Variants in ANKS3 observed in about 807,000 individuals in gnomAD.
ANKS3 encodes the protein ankyrin repeat and SAM domain-containing protein 3.
ANKS3 carries 62 observed loss-of-function variants against 80.7 expected under a neutral mutation model. The observed-to-expected ratio is 0.77, with a 90% confidence interval of 0.63 to 0.95. ANKS3 has a LOEUF of 0.95. Ranked by LOEUF, ANKS3 falls within the 40% of genes least tolerant of loss-of-function variation. ANKS3 has a pLI of 0.00. For synonymous variants in ANKS3, 489 were observed against 355.3 expected (o/e 1.38, Z -4.23); for missense variants, 1,150 against 883.6 (o/e 1.30, Z -3.82).
chr16:4,706,400 C>A (rs542013769), intron 7 of ANKS3, among the ~76,000 whole-genome samples: 1 of 151,832 alleles, frequency 6.6e-6, no homozygotes, highest in Non-Finnish European at 1.5e-5. Flanking sequence ...CCCAGCTAAT[C>A]TTGTTTTTGT....
At chr16:4,726,597 CCCT>C in intron 5 of ANKS3, 59 bp downstream of exon 5, 1 of 1,570,174 alleles carries the variant, frequency 6.4e-7, no homozygotes, top group Non-Finnish European at 8.7e-7. Context: ...TCCAGAGCCA[CCCT>C]CCTTAGAGTC....
At chr16:4,699,250 G>C in intron 11 of ANKS3, 74 bp from the exon 12 acceptor site, 1 of 1,550,152 alleles carries the variant, frequency 6.5e-7, no homozygotes, top group Non-Finnish European at 8.7e-7. Context: ...TCCACTCGGA[G>C]CCCCACCACT....
chr16:4,700,459 C>G (rs1021573659), intron 11 of ANKS3: 2 of 234,206 alleles, frequency 8.5e-6, no homozygotes, highest in East Asian at 1.2e-4. Context: ...CCCTCTGCCT[C>G]TCCTCTCCGT....
chr16:4,717,096 G>T (rs2080843345), intron 6 of ANKS3, among the ~76,000 whole-genome samples: 2 of 151,264 alleles, frequency 1.3e-5, no homozygotes, highest in Admixed American at 1.3e-4. Flanking sequence ...ACAAAAATTA[G>T]CCGGGCGTGG....
intron 7 of ANKS3, among the ~76,000 whole-genome samples, chr16:4,707,000 G>C (rs979919771): frequency 2.6e-5 from 4 of 152,128 alleles, no homozygotes; most frequent in African/African-American, 9.7e-5. Flanking sequence ...TCTGGCGACT[G>C]AGCTAGCCAT....
intron 7 of ANKS3, among the ~76,000 whole-genome samples, chr16:4,705,999 G>C (rs28429928): frequency 0.044 from 6,603 of 151,662 alleles, 463 homozygotes; most frequent in African/African-American, 0.15. Context: ...CTGGGTTCAA[G>C]CAATTCTCCT....
intron 9 of ANKS3, chr16:4,701,838 G>T (rs953214674): frequency 2.4e-5 from 12 of 501,284 alleles, no homozygotes; most frequent in Non-Finnish European, 7.0e-6. Context: ...ATTCCTACTG[G>T]GGCCTGCCCT....
intron 6 of ANKS3, among the ~76,000 whole-genome samples, chr16:4,724,287 T>C (rs1345769051): frequency 6.6e-6 from 1 of 152,208 alleles, no homozygotes; most frequent in African/African-American, 2.4e-5. Flanking sequence ...TTACAGACTA[T>C]ACGTAGAATC....
chr16:4,729,387 G>C (rs1426759147), intron 3 of ANKS3: 1 of 152,166 alleles, frequency 6.6e-6, no homozygotes, highest in Non-Finnish European at 1.5e-5. Flanking sequence ...TTGAGACAGA[G>C]TCTCACTCTG....
Position 4,702,173 on chromosome 16 carries a change from A to C in ANKS3, c.938T>G (p.Leu313Arg), listed in dbSNP as rs1393891137. 46 of 1,594,002 alleles carry C rather than the reference A, an allele frequency of 2.9e-5. No homozygotes were observed. The highest frequency in any genetic ancestry group is 3.8e-5 in the Non-Finnish European group (45 of 1,171,340). The part of the protein sequence containing the change: ...SGENPLEEEG[L>R]CCRDVTSPIN... ...GGGGGAGGTGACATCCCGGCAGCAG[A>C]GGCCCTCTTCTTCCAGGGGGTTCTC... Residue 313 changes from leucine (L) to arginine (R), a missense_variant, in exon 9 of 18, where the codon CTC becomes CGC. Leu to Arg is a moderately radical substitution (Grantham distance 102). Transcript: ENST00000304283.
intron 6 of ANKS3, chr16:4,714,421 T>A (rs1231887052): frequency 1.7e-6 from 1 of 574,982 alleles, no homozygotes; most frequent in East Asian, 3.1e-5. Flanking sequence ...GGGAGTCATC[T>A]CCCACGCTCA....
intron 6 of ANKS3, among the ~76,000 whole-genome samples, chr16:4,722,400 G>A (rs1035943048): frequency 7.9e-5 from 12 of 151,806 alleles, no homozygotes; most frequent in African/African-American, 2.7e-4. Context: ...CTAACACGGT[G>A]AAACCTTGTC....
Position 4,697,202 on chromosome 16 carries a change from C to A in ANKS3, c.1895-98G>T. On this transcript the variant is annotated intron_variant, in intron 16 of 17. Coordinates refer to ENST00000304283, the MANE Select transcript of ANKS3 (RefSeq NM_133450.4). ...GCTGCAGGATGTGACCTGCCCCTCACCCGTTATGGCCCCAGCCCCGAGGTC... is the reference window on the plus strand; with the variant it reads ...GCTGCAGGATGTGACCTGCCCCTCAACCGTTATGGCCCCAGCCCCGAGGTC... 4 of 1,552,960 alleles carry A rather than the reference C, an allele frequency of 2.6e-6. No individual in the cohort carries two copies. In the South Asian group the frequency reaches 3.4e-5, roughly 13 times the overall value.
chr16:4,707,520 G>C (rs1200356201), intron 7 of ANKS3, among the ~76,000 whole-genome samples: 1 of 152,074 alleles, frequency 6.6e-6, no homozygotes, highest in African/African-American at 2.4e-5. Flanking sequence ...GACCTCAGGG[G>C]ATCTGCCCGC....
At chr16:4,699,259 C>A in intron 11 of ANKS3, 83 bp from the exon 12 acceptor site, 1 of 1,525,790 alleles carries the variant, frequency 6.6e-7, no homozygotes. Context: ...AGCCCCACCA[C>A]TTCCCCAGGC....
intron 3 of ANKS3, among the ~76,000 whole-genome samples, chr16:4,728,467 C>A (rs1429240694): frequency 6.6e-6 from 1 of 152,112 alleles, no homozygotes; most frequent in Non-Finnish European, 1.5e-5. Flanking sequence ...CAGTGGCAGC[C>A]CCTGGCCAGG....
chr16:4,722,885 T>G (rs2081175192), intron 6 of ANKS3, among the ~76,000 whole-genome samples: 1 of 146,016 alleles, frequency 6.8e-6, no homozygotes, highest in South Asian at 2.2e-4. Flanking sequence ...GCCACTGCAC[T>G]CCAGCCTTCC....
chr16:4,697,078 T>A lies in ANKS3; in HGVS notation c.1921A>T (p.Ser641Cys), dbSNP rs756132736. ...MGQALCLVTQ[S>C]LEKLQVLNGK... ...TTCAGCACCTGCAGCTTCTCCAGGC[T>A]CTGGGTCACTAAGCACAGTGCTTGC... Residue 641 changes from serine (S) to cysteine (C), a missense_variant, in exon 17 of 18, where the codon AGC (serine) becomes TGC (cysteine). Transcript: ENST00000304283. 1.2e-6 allele frequency: 2 copies of A among 1,613,798 alleles called. No individual in the cohort carries two copies. The highest frequency in any genetic ancestry group is 2.2e-5 in the South Asian group (2 of 91,058).
rs181258463 is a variant in ANKS3, at chr16:4,733,592, G to A, written c.-71+346C>T. Among the ~76,000 whole-genome samples the A allele has an allele frequency of 1.1e-4, 16 of 152,136 alleles. No homozygotes were observed. The East Asian group carries it at 2.9e-3, about 28-fold the overall frequency. On this transcript the variant is annotated intron_variant, in intron 1 of 17. Transcript: ENST00000304283. ...CAGGCGTGAGTGAGCCACCGCGCCC[G>A]GCTGCACATTTAAAAATAATTCAAA...
Sources: allele counts gnomAD v4.1 joint callset (sites outside exome capture counted in the v4.1 genomes callset), GRCh38; gene constraint gnomAD v4.1.1; transcripts MANE v1.5; gene names NCBI Gene and HGNC (gene_info 2026-07-23, HGNC 2026-07-21).